The following UTRN variants were observed in gnomAD, a reference collection of about 807,000 sequenced individuals.
UTRN encodes dystrophin-related protein 1.
A neutral mutation model predicts 463.9 loss-of-function variants in UTRN; 283 were observed. That is an observed-to-expected ratio of 0.61 (90% CI 0.55 to 0.67). The LOEUF (loss-of-function observed/expected upper bound fraction) is 0.67, where lower values mean the gene tolerates loss of function less well. UTRN is among the 30% of genes least tolerant of loss of function. UTRN has a pLI of 0.00. For synonymous variants in UTRN, 1,442 were observed against 1,431.5 expected (o/e 1.01, Z -0.17); for missense variants, 3,922 against 4,084.3 (o/e 0.96, Z 1.08).
intron 3 of UTRN, among the ~76,000 whole-genome samples, chr6:144,408,643 G>A (rs576227851): frequency 1.1e-4 from 17 of 152,318 alleles, no homozygotes; most frequent in African/African-American, 3.4e-4. Context: ...TTGACAGAAC[G>A]TAAGAGAGGA....
chr6:144,483,431 T>C (rs1238710307), intron 27 of UTRN, among the ~76,000 whole-genome samples: 1 of 152,092 alleles, frequency 6.6e-6, no homozygotes, highest in African/African-American at 2.4e-5. Context: ...GCTGGAAAAT[T>C]ATGGCTGAGG....
At chr6:144,533,281 T>G (rs1797225148) in intron 43 of UTRN, 21 bp downstream of exon 43, 1 of 1,612,978 alleles carries the variant, frequency 6.2e-7, no homozygotes, top group Admixed American at 1.7e-5. Context: ...TATGATTGTT[T>G]GCAGGCACAG....
At chr6:144,304,666 G>A (rs1026244200) in intron 2 of UTRN, among the ~76,000 whole-genome samples, 1 of 152,142 alleles carries the variant, frequency 6.6e-6, no homozygotes, top group Non-Finnish European at 1.5e-5. Flanking sequence ...AGGTTTGGAG[G>A]TGAGAATTGT....
rs1355261821 is a variant in UTRN at position 144,493,527 on chromosome 6, C to T, written c.4593+71C>T. 17 of 1,447,842 alleles carry T rather than the reference C, an allele frequency of 1.2e-5. No individual in the cohort carries two copies. In the East Asian group the frequency reaches 1.9e-4, roughly 16 times the overall value. The allele number at this position is 1,447,842 out of a possible 1,614,324, so 89.7% of individuals were successfully genotyped here. On this transcript the variant is annotated intron_variant, in intron 33 of 74. Transcript: ENST00000367545. ...TCTCTCTCAATCTCTCTCTCTCTCTCGTTCTCTCTCATGTATTTTTAAATT... is the reference window on the plus strand; with the variant it reads ...TCTCTCTCAATCTCTCTCTCTCTCTTGTTCTCTCTCATGTATTTTTAAATT...
At chr6:144,748,641 AC>A (rs1305576914) in intron 55 of UTRN, 127 bp downstream of exon 55, 25 of 1,265,572 alleles carry the variant, frequency 2.0e-5, no homozygotes, top group Non-Finnish European at 2.5e-5. Flanking sequence ...CTGCAACCCC[AC>A]CCATCAGGAG....
At chr6:144,643,602 G>C (rs893650545) in intron 51 of UTRN, among the ~76,000 whole-genome samples, 2 of 152,058 alleles carry the variant, frequency 1.3e-5, no homozygotes, top group East Asian at 3.9e-4. Flanking sequence ...TTCAAGACCA[G>C]CCCGGCCAAC....
At chr6:144,404,086 T>A (rs9496961) in intron 3 of UTRN, among the ~76,000 whole-genome samples, 8,618 of 152,272 alleles carry the variant, frequency 0.057, 818 homozygotes, top group African/African-American at 0.2. Flanking sequence ...TAAGGTTACT[T>A]TGAGTAGCAG....
At chr6:144,748,665 C>G in intron 55 of UTRN, 151 bp downstream of exon 55, 2 of 1,033,550 alleles carry the variant, frequency 1.9e-6, no homozygotes, top group Non-Finnish European at 2.7e-6. Flanking sequence ...AGGACAGGTG[C>G]TTTCCATATG....
chr6:144,428,697 T>G, intron 7 of UTRN, 81 bp from the exon 8 acceptor site: 3 of 710,962 alleles, frequency 4.2e-6, no homozygotes, highest in Non-Finnish European at 6.5e-6. Context: ...AATCTAAAAC[T>G]AAAATGTATT....
intron 65 of UTRN, among the ~76,000 whole-genome samples, chr6:144,808,978 A>C (rs1245269161): frequency 6.6e-6 from 1 of 152,100 alleles, no homozygotes; most frequent in African/African-American, 2.4e-5. Context: ...TAGGAGTATA[A>C]ATACCTTTTG....
intron 41 of UTRN, among the ~76,000 whole-genome samples, chr6:144,525,262 A>T (rs951846565): frequency 2.0e-5 from 3 of 152,086 alleles, no homozygotes; most frequent in Admixed American, 6.6e-5. Context: ...TAGGATTGGT[A>T]CCAATTCTTC....
intron 2 of UTRN, among the ~76,000 whole-genome samples, chr6:144,379,558 G>T (rs376503844): frequency 6.6e-6 from 1 of 152,190 alleles, no homozygotes. Flanking sequence ...GAGTGAGAGA[G>T]ATATGAAAGA....
chr6:144,745,636 T>G (rs998851690), intron 54 of UTRN, among the ~76,000 whole-genome samples: 7 of 152,184 alleles, frequency 4.6e-5, no homozygotes, highest in African/African-American at 1.7e-4. Context: ...AATTTTTACA[T>G]TAAGGAAAGA....
chr6:144,451,275 CAT>C (rs1788275524), intron 17 of UTRN, 93 bp from the exon 18 acceptor site: 5 of 1,427,022 alleles, frequency 3.5e-6, no homozygotes, highest in Non-Finnish European at 3.7e-6. Context: ...GATAAAAAGA[CAT>C]ATTCCTGATG....
intron 51 of UTRN, among the ~76,000 whole-genome samples, chr6:144,666,676 G>A (rs1256719277): frequency 6.6e-6 from 1 of 152,138 alleles, no homozygotes; most frequent in Admixed American, 6.5e-5. Flanking sequence ...CCTTTTCTTT[G>A]ATCACTTGTG....
At chr6:144,706,610 T>G (rs988914888) in intron 53 of UTRN, 7 of 152,196 alleles carry the variant, frequency 4.6e-5, no homozygotes, top group African/African-American at 1.7e-4. Context: ...CATTATAATA[T>G]TCCAATGACA....
At chr6:144,444,733 A>G (rs887225598) in intron 14 of UTRN, among the ~76,000 whole-genome samples, 2 of 152,254 alleles carry the variant, frequency 1.3e-5, no homozygotes, top group Non-Finnish European at 2.9e-5. Flanking sequence ...ATTTGTGCTC[A>G]GTAAATAATG....
intron 4 of UTRN, among the ~76,000 whole-genome samples, chr6:144,423,340 G>A (rs1332920969): frequency 3.3e-5 from 5 of 152,172 alleles, no homozygotes; most frequent in Non-Finnish European, 5.9e-5. Flanking sequence ...GCAAGTTAGG[G>A]AACTGGTATC....
rs573669232 is a variant in UTRN at position 144,721,991 on chromosome 6, A to G, written c.7810-8366A>G. 5.1e-4 allele frequency among the ~76,000 whole-genome samples: 78 copies of G among 152,342 alleles called. 1 individual carries two copies. The highest frequency in any genetic ancestry group is 9.8e-4 in the Admixed American group (15 of 15,308). On this transcript the variant is annotated intron_variant, in intron 53 of 74. Coordinates refer to ENST00000367545, the MANE Select transcript of UTRN (RefSeq NM_007124.3). ...GCTCAACCTGTAGAATGCAAAATACATAAGCTTTGTGACAGGTTGTCATGT... is the reference window on the plus strand; with the variant it reads ...GCTCAACCTGTAGAATGCAAAATACGTAAGCTTTGTGACAGGTTGTCATGT...
Sources: gnomAD v4.1 joint callset for allele counts (sites outside exome capture counted in the v4.1 genomes callset) on GRCh38, gnomAD v4.1.1 for gene constraint, MANE v1.5 for transcripts, NCBI Gene and HGNC (gene_info 2026-07-23, HGNC 2026-07-21) for gene names.